MYRFL: variants seen among roughly 807,000 people sequenced by gnomAD.
MYRFL encodes the protein myelin regulatory factor like.
Under a neutral mutation model 109.4 loss-of-function variants are expected in MYRFL, and 88 were observed. That is an observed-to-expected ratio of 0.80 (90% CI 0.68 to 0.96). MYRFL has a LOEUF of 0.96. MYRFL is among the 40% of genes least tolerant of loss of function. The probability of loss-of-function intolerance (pLI) is 0.00; values close to 1 mark genes in which losing one functional copy is unlikely to be tolerated. For synonymous variants in MYRFL, 324 were observed against 320.9 expected (o/e 1.01, Z -0.10); for missense variants, 957 against 954.9 (o/e 1.00, Z -0.03).
intron 19 of MYRFL, among the ~76,000 whole-genome samples, chr12:69,945,801 A>C (rs1268323): frequency 1.3e-5 from 2 of 149,964 alleles, no homozygotes; most frequent in Non-Finnish European, 3.0e-5. Context: ...TCCTGGCTAA[A>C]ACGGTGAAAC....
chr12:69,942,464 G>A (rs1592881745), intron 19 of MYRFL, among the ~76,000 whole-genome samples: 1 of 151,038 alleles, frequency 6.6e-6, no homozygotes, highest in African/African-American at 2.4e-5. Context: ...ATGCAGAAAA[G>A]GCCTTTGACA....
At chr12:69,855,937 C>A (rs931065926) in intron 2 of MYRFL, among the ~76,000 whole-genome samples, 1 of 151,780 alleles carries the variant, frequency 6.6e-6, no homozygotes, top group South Asian at 2.1e-4. Context: ...GGCACTCTGG[C>A]CTTTTTTATT....
intron 1 of MYRFL, among the ~76,000 whole-genome samples, chr12:69,846,933 T>C (rs917952077): frequency 6.6e-6 from 1 of 152,026 alleles, no homozygotes. Flanking sequence ...TTGATTTGCA[T>C]TTCTCTGATG....
At chr12:69,927,091 C>T (rs140525241) in intron 14 of MYRFL, among the ~76,000 whole-genome samples, 8,652 of 151,524 alleles carry the variant, frequency 0.057, 324 homozygotes, top group Middle Eastern at 0.12. Flanking sequence ...ATTACAGGTG[C>T]CCGCCACCAT....
intron 1 of MYRFL, among the ~76,000 whole-genome samples, chr12:69,826,714 G>A (rs1383911787): frequency 6.6e-6 from 1 of 152,032 alleles, no homozygotes; most frequent in African/African-American, 2.4e-5. Flanking sequence ...TTTGTCTTCA[G>A]TGTTTTTCTT....
intron 13 of MYRFL, among the ~76,000 whole-genome samples, chr12:69,911,582 C>T (rs189890692): frequency 6.6e-6 from 1 of 152,214 alleles, no homozygotes; most frequent in East Asian, 1.9e-4. Flanking sequence ...TAGATTAGCT[C>T]GTCTTCATTT....
At chr12:69,914,123 CA>C (rs1954661661) in intron 13 of MYRFL, among the ~76,000 whole-genome samples, 1 of 151,958 alleles carries the variant, frequency 6.6e-6, no homozygotes, top group Admixed American at 6.6e-5. Context: ...TATAGAAATG[CA>C]GCTAATTTTT....
Position 69,958,971 on chromosome 12 carries a change from G to A in MYRFL, c.*440G>A, listed in dbSNP as rs2120573387. The A allele has an allele frequency of 6.1e-6, 1 of 164,598 alleles. No homozygotes were observed. Among genetic ancestry groups the A allele is most frequent in the African/African-American group, 2.4e-5 (1 of 41,652 alleles). The allele number at this position is 164,598 out of a possible 1,614,324, so 10.2% of individuals were successfully genotyped here. ...GTGTGATATGGTATGTGGAGGAGAT[G>A]TGGGGGGTGGTATCTGATACTGAGC... On this transcript the variant is annotated 3_prime_UTR_variant, in exon 25 of 25. Transcript: ENST00000552032.
intron 13 of MYRFL, among the ~76,000 whole-genome samples, chr12:69,918,246 A>C (rs1378615457): frequency 6.6e-6 from 1 of 152,144 alleles, no homozygotes; most frequent in Non-Finnish European, 1.5e-5. Flanking sequence ...ACTGCTATCT[A>C]TTACCTTCTT....
intron 2 of MYRFL, among the ~76,000 whole-genome samples, chr12:69,862,235 C>CT (rs1741305394): frequency 6.7e-6 from 1 of 150,300 alleles, no homozygotes; most frequent in South Asian, 2.1e-4. Context: ...AATGCAGGCT[C>CT]TTTTTTGGTT....
chr12:69,866,892 T>C (rs1885048951), intron 2 of MYRFL, among the ~76,000 whole-genome samples: 2 of 152,164 alleles, frequency 1.3e-5, no homozygotes. Flanking sequence ...ATTACATGAG[T>C]GTTTTTACTG....
chr12:69,958,222 A>G, intron 23 of MYRFL, 27 bp from the exon 24 acceptor site: 1 of 1,505,472 alleles, frequency 6.6e-7, no homozygotes, highest in Non-Finnish European at 8.9e-7. Flanking sequence ...CGTGTACGAA[A>G]TGGATCCTCT....
chr12:69,958,399 A>AATT (rs1157959284), intron 24 of MYRFL, 46 bp from the exon 25 acceptor site: 1 of 1,512,286 alleles, frequency 6.6e-7, no homozygotes, highest in Non-Finnish European at 8.8e-7. Context: ...AACCACAGTT[A>AATT]ATTTTTACAT....
intron 1 of MYRFL, among the ~76,000 whole-genome samples, chr12:69,840,975 A>G (rs1023846379): frequency 6.6e-6 from 1 of 152,216 alleles, no homozygotes; most frequent in Non-Finnish European, 1.5e-5. Flanking sequence ...GATTCATGTC[A>G]TGTGAAAGTC....
chr12:69,872,540 G>A (rs2136329474), intron 2 of MYRFL, among the ~76,000 whole-genome samples: 1 of 151,600 alleles, frequency 6.6e-6, no homozygotes, highest in South Asian at 2.1e-4. Context: ...TCGCTCTGTT[G>A]CCTAGGCTGG....
chr12:69,919,811 C>T (rs1954850887), intron 13 of MYRFL, among the ~76,000 whole-genome samples: 1 of 152,192 alleles, frequency 6.6e-6, no homozygotes, highest in South Asian at 2.1e-4. Flanking sequence ...AACCTCAGTC[C>T]ATGCAACACC....
In MYRFL at chr12:69,910,892, A is replaced by G; in HGVS notation, c.1564A>G (p.Asn522Asp). 6.5e-7 allele frequency: 1 copy of G among 1,535,396 alleles called. No individual in the cohort carries two copies. The highest frequency in any genetic ancestry group is 8.7e-7 in the Non-Finnish European group (1 of 1,146,378). Reference sequence around the variant, plus strand: ...AGAGGTTGGTGATGTCACCTGCGGAAACGGAGAGACCTTGGAGAACTTCCT... The same window carrying G: ...AGAGGTTGGTGATGTCACCTGCGGAGACGGAGAGACCTTGGAGAACTTCCT... ...VREVGDVTCG[N>D]GETLENFLMV... Residue 522 changes from asparagine (N) to aspartate (D), a missense_variant, in exon 13 of 25, where the codon AAC becomes GAC. By Grantham distance (23) the Asn-to-Asp change is conservative. Coordinates refer to ENST00000552032, the MANE Select transcript of MYRFL (RefSeq NM_182530.3).
chr12:69,931,554 A>G (rs1176647561), intron 15 of MYRFL, among the ~76,000 whole-genome samples: 1 of 152,224 alleles, frequency 6.6e-6, no homozygotes, highest in Non-Finnish European at 1.5e-5. Context: ...TAAAATTATT[A>G]CCACCTTATT....
rs190837517 is a variant in MYRFL at position 69,849,959 on chromosome 12, C to A, written c.47-5321C>A. ...TGTGGTTTGGCTCTGTGTCCCCACC[C>A]AAATCTCATCTTGTAGCTCCCATAA... is the stretch of plus-strand genomic sequence containing the variant. On this transcript the variant is annotated intron_variant, in intron 1 of 24. Coordinates refer to ENST00000552032, the MANE Select transcript of MYRFL (RefSeq NM_182530.3). 6.8e-3 allele frequency among the ~76,000 whole-genome samples: 1,035 copies of A among 152,234 alleles called. 5 individuals are homozygous for A. The highest frequency in any genetic ancestry group is 0.011 in the Non-Finnish European group (726 of 68,022).
Sources: allele counts gnomAD v4.1 joint callset (sites outside exome capture counted in the v4.1 genomes callset), GRCh38; gene constraint gnomAD v4.1.1; transcripts MANE v1.5; gene names NCBI Gene and HGNC (gene_info 2026-07-23, HGNC 2026-07-21).